Variants in TVP23A observed in about 807,000 individuals in gnomAD.
The protein encoded by TVP23A is trans-golgi network vesicle protein 23 homolog A, also known as Golgi apparatus membrane protein TVP23 homolog A.
In TVP23A, 21 loss-of-function variants were observed where a neutral mutation model predicts 31.7. The observed-to-expected ratio is 0.66, with a 90% confidence interval of 0.47 to 0.95. TVP23A has a LOEUF of 0.95. Among genes scored for constraint, TVP23A ranks in the 40% least tolerant of loss-of-function variants. TVP23A has a pLI of 0.00. For synonymous variants in TVP23A, 104 were observed against 96.0 expected (o/e 1.08, Z -0.49); for missense variants, 279 against 255.6 (o/e 1.09, Z -0.62).
chr16:10,784,441 G>A (rs954923935), intron 2 of TVP23A, among the ~76,000 whole-genome samples: 2 of 151,144 alleles, frequency 1.3e-5, no homozygotes, highest in African/African-American at 4.9e-5. Context: ...CACGCCTACA[G>A]TCTCAGCTAC....
Position 10,777,185 on chromosome 16 carries a change from G to T in TVP23A, c.90-2089C>A, listed in dbSNP as rs1262988370. ...CCTCAGGGCAGGGGAGGAAAAGGGAGGGATGAAAGGGACTCTTCCCAGCAC... is the reference window on the plus strand; with the variant it reads ...CCTCAGGGCAGGGGAGGAAAAGGGATGGATGAAAGGGACTCTTCCCAGCAC... On this transcript the variant is annotated intron_variant, in intron 2 of 7. Coordinates refer to ENST00000299866, the MANE Select transcript of TVP23A (RefSeq NM_001079512.4). This position sits in a 1 kb window ranked among gnomAD's most constrained non-coding sequence, Gnocchi z 4.5. 1.3e-5 allele frequency among the ~76,000 whole-genome samples: 2 copies of T among 152,146 alleles called. No individual in the cohort carries two copies. The highest frequency in any genetic ancestry group is 1.5e-5 in the Non-Finnish European group (1 of 68,038).
chr16:10,805,069 G>A (rs917097496), intron 2 of TVP23A, among the ~76,000 whole-genome samples: 11 of 151,962 alleles, frequency 7.2e-5, no homozygotes, highest in South Asian at 4.2e-4. Context: ...ACAGAGTCTC[G>A]CTCTGTCGCC....
downstream of TVP23A, among the ~76,000 whole-genome samples, chr16:10,765,506 T>TC (rs200406990): frequency 6.6e-6 from 1 of 151,940 alleles, no homozygotes; most frequent in East Asian, 1.9e-4. This position sits in a 1 kb window ranked among gnomAD's most constrained non-coding sequence, Gnocchi z 4.0. Context: ...AGAACCTGTC[T>TC]CAAAAAAAAA....
chr16:10,760,752 T>C (rs1283237973), downstream of TVP23A, among the ~76,000 whole-genome samples: 9 of 152,144 alleles, frequency 5.9e-5, no homozygotes, highest in Admixed American at 3.9e-4. Context: ...AAAAGTCATT[T>C]TCTTTTAGGT....
At chr16:10,760,677 C>T (rs1900886806), downstream of TVP23A, among the ~76,000 whole-genome samples, 1 of 152,146 alleles carries the variant, frequency 6.6e-6, no homozygotes, top group Non-Finnish European at 1.5e-5. Flanking sequence ...GTCAAGGCTG[C>T]AGTGAGCAAT....
At chr16:10,765,405 G>A (rs1202643567), downstream of TVP23A, among the ~76,000 whole-genome samples, 1 of 151,750 alleles carries the variant, frequency 6.6e-6, no homozygotes, top group Non-Finnish European at 1.5e-5. This position sits in a 1 kb window ranked among gnomAD's most constrained non-coding sequence, Gnocchi z 4.0. Flanking sequence ...TACTCAGGAG[G>A]CTGAGTTAGC....
At chr16:10,762,190 G>A (rs1052771186), downstream of TVP23A, 3 of 212,562 alleles carry the variant, frequency 1.4e-5, no homozygotes, top group Non-Finnish European at 2.8e-5. Flanking sequence ...ATGGCGTCCA[G>A]GTTACAGAGG....
intron 2 of TVP23A, among the ~76,000 whole-genome samples, chr16:10,795,089 A>G (rs2033312882): frequency 6.6e-6 from 1 of 152,158 alleles, no homozygotes; most frequent in Non-Finnish European, 1.5e-5. Flanking sequence ...TGAAGCTGCC[A>G]GACGCCATGA....
At position 10,818,406 on chromosome 16, in the gene TVP23A, T is replaced by G; in HGVS notation, c.9+79A>C. On this transcript the variant is annotated intron_variant, in intron 1 of 7. Coordinates refer to ENST00000299866, the MANE Select transcript of TVP23A (RefSeq NM_001079512.4). This position sits in a 1 kb window ranked among gnomAD's most constrained non-coding sequence, Gnocchi z 4.7. Reference sequence around the variant, plus strand: ...CCAGGCCCCGGCGCATCCCTCCTCCTCCTCCCGGCTTCTCCAGCGCTCCCG... The same window carrying G: ...CCAGGCCCCGGCGCATCCCTCCTCCGCCTCCCGGCTTCTCCAGCGCTCCCG... 1 of 1,562,094 alleles carries G rather than the reference T, an allele frequency of 6.4e-7. No homozygotes were observed. The highest frequency in any genetic ancestry group is 2.4e-5 in the East Asian group (1 of 42,532).
intron 2 of TVP23A, among the ~76,000 whole-genome samples, chr16:10,803,264 TG>T (rs1167198891): frequency 6.6e-6 from 1 of 151,518 alleles, no homozygotes; most frequent in African/African-American, 2.4e-5. Flanking sequence ...TGTGTGTGTG[TG>T]TGTGTGTGTG....
intron 2 of TVP23A, among the ~76,000 whole-genome samples, chr16:10,784,494 G>A (rs1341019808): frequency 1.3e-5 from 2 of 151,572 alleles, no homozygotes; most frequent in African/African-American, 4.9e-5. Flanking sequence ...CTGGAAGGCA[G>A]AGGTTGCAGT....
chr16:10,780,672 T>G (rs1215874228), intron 2 of TVP23A, among the ~76,000 whole-genome samples: 1 of 152,072 alleles, frequency 6.6e-6, no homozygotes, highest in Admixed American at 6.5e-5. Flanking sequence ...CCATCTCCTC[T>G]TCTGCAAAAT....
At chr16:10,783,092 T>C (rs1596518951) in intron 2 of TVP23A, among the ~76,000 whole-genome samples, 1 of 152,012 alleles carries the variant, frequency 6.6e-6, no homozygotes, top group Non-Finnish European at 1.5e-5. Flanking sequence ...GGGGTAGTGA[T>C]TGGGAAGGGA....
chr16:10,757,851 C>T, downstream of TVP23A: 2 of 1,605,250 alleles, frequency 1.2e-6, no homozygotes, highest in Non-Finnish European at 1.7e-6. This position sits in a 1 kb window ranked among gnomAD's most constrained non-coding sequence, Gnocchi z 4.1. Flanking sequence ...AGTAAGCATC[C>T]CCTGTGGATT....
chr16:10,777,742 T>C lies in TVP23A; in HGVS notation c.90-2646A>G, dbSNP rs1226757180. Among the ~76,000 whole-genome samples the C allele has an allele frequency of 6.6e-6, 1 of 152,198 alleles. No homozygotes were observed. Among genetic ancestry groups the C allele is most frequent in the East Asian group, 1.9e-4 (1 of 5,196 alleles). On this transcript the variant is annotated intron_variant, in intron 2 of 7. Transcript: ENST00000299866. The surrounding 1 kb of genome is among the most constrained non-coding windows in gnomAD (Gnocchi z 4.5). ...TTAGACAGGATCAAGCCGGGCGTGGTGGCTCACGCCTGTAATCCCAGCACT... is the reference window on the plus strand; with the variant it reads ...TTAGACAGGATCAAGCCGGGCGTGGCGGCTCACGCCTGTAATCCCAGCACT...
intron 2 of TVP23A, among the ~76,000 whole-genome samples, chr16:10,806,474 G>T (rs926756194): frequency 1.3e-5 from 2 of 152,162 alleles, no homozygotes; most frequent in Non-Finnish European, 2.9e-5. Flanking sequence ...TCACAGGTCA[G>T]CAGAAATCAC....
intron 4 of TVP23A, among the ~76,000 whole-genome samples, 162 bp downstream of exon 4, chr16:10,773,877 G>GGA (rs1181596266): frequency 1.3e-5 from 2 of 152,060 alleles, no homozygotes; most frequent in East Asian, 1.9e-4. Context: ...GGTCTATTTT[G>GGA]GAGACACTTT....
chr16:10,771,530 G>T, intron 6 of TVP23A, 140 bp downstream of exon 6: 1 of 1,146,978 alleles, frequency 8.7e-7, no homozygotes, highest in Non-Finnish European at 1.2e-6. Flanking sequence ...GCGAGATCCT[G>T]TCTCCCAAAA....
At position 10,790,324 on chromosome 16, in the gene TVP23A, G is replaced by C. The variant is rs553538325; in HGVS notation, c.90-15228C>G. On this transcript the variant is annotated intron_variant, in intron 2 of 7. Coordinates refer to ENST00000299866, the MANE Select transcript of TVP23A (RefSeq NM_001079512.4). ...TTTTGAGACGGAGTCTCGCACTGTCGCCCAGGCTGGAGTGCAGTGGCGTGA... is the reference window on the plus strand; with the variant it reads ...TTTTGAGACGGAGTCTCGCACTGTCCCCCAGGCTGGAGTGCAGTGGCGTGA... Among the ~76,000 whole-genome samples, 8 of 128,552 alleles carry C rather than the reference G, an allele frequency of 6.2e-5. 1 individual carries two copies. The East Asian group carries it at 1.9e-3, about 30-fold the overall frequency. 84.3% of individuals were successfully genotyped at this position (128,552 alleles called of 152,430 possible).
Sources: allele counts gnomAD v4.1 joint callset (sites outside exome capture counted in the v4.1 genomes callset), GRCh38; gene constraint gnomAD v4.1.1; non-coding constraint Gnocchi (gnomAD v3.1); transcripts MANE v1.5; gene names NCBI Gene and HGNC (gene_info 2026-07-23, HGNC 2026-07-21).